The following LRCH3 variants were observed in gnomAD, a reference collection of about 807,000 sequenced individuals.
The protein encoded by LRCH3 is DISP complex protein LRCH3.
In LRCH3, 68 loss-of-function variants were observed where a neutral mutation model predicts 104.5. The ratio of observed to expected loss-of-function variants is 0.65; its 90% CI spans 0.54 to 0.80. The LOEUF (loss-of-function observed/expected upper bound fraction) is 0.80. Ranked by LOEUF, LRCH3 falls within the 30% of genes least tolerant of loss-of-function variation. The probability of loss-of-function intolerance (pLI) is 0.00; values close to 1 mark genes in which losing one functional copy is unlikely to be tolerated. For synonymous variants in LRCH3, 344 were observed against 361.3 expected (o/e 0.95, Z 0.54); for missense variants, 951 against 953.9 (o/e 1.00, Z 0.04).
At chr3:197,840,341 C>A (rs753547561) in intron 10 of LRCH3, among the ~76,000 whole-genome samples, 1 of 152,156 alleles carries the variant, frequency 6.6e-6, no homozygotes, top group Non-Finnish European at 1.5e-5. Flanking sequence ...GTGGCACATG[C>A]CTGTAGTCTC....
intron 5 of LRCH3, among the ~76,000 whole-genome samples, chr3:197,828,380 C>G (rs956000704): frequency 2.6e-5 from 4 of 151,952 alleles, no homozygotes; most frequent in Non-Finnish European, 4.4e-5. Context: ...GAGTCTCGCT[C>G]TGTTGCCCAG....
intron 14 of LRCH3, among the ~76,000 whole-genome samples, chr3:197,855,051 C>T (rs893993411): frequency 3.9e-5 from 6 of 152,070 alleles, no homozygotes; most frequent in Non-Finnish European, 7.4e-5. Flanking sequence ...ATTAGCCTTG[C>T]GAAAGAATTC....
chr3:197,807,018 G>A (rs1055170400), intron 1 of LRCH3, among the ~76,000 whole-genome samples: 5 of 126,572 alleles, frequency 4.0e-5, no homozygotes, highest in African/African-American at 6.0e-5. Context: ...TAGCCTGGGC[G>A]ACAGGGCGAG....
At chr3:197,818,053 C>T (rs890736321) in intron 3 of LRCH3, among the ~76,000 whole-genome samples, 11 of 152,286 alleles carry the variant, frequency 7.2e-5, no homozygotes, top group African/African-American at 2.4e-4. Flanking sequence ...GATCTCCTGA[C>T]CTTGTGATCT....
At chr3:197,832,357 A>AG (rs1560555055) in intron 8 of LRCH3, 40 bp downstream of exon 8, 1 of 1,593,962 alleles carries the variant, frequency 6.3e-7, no homozygotes, top group Admixed American at 1.7e-5. Context: ...GTTTGCAACC[A>AG]TTTAACTTTT....
chr3:197,868,475 G>C (rs1365561071), intron 17 of LRCH3, among the ~76,000 whole-genome samples: 1 of 152,190 alleles, frequency 6.6e-6, no homozygotes, highest in African/African-American at 2.4e-5. Context: ...GATACTGACG[G>C]ATGACTGTGT....
At chr3:197,843,043 C>T (rs1738043036) in intron 10 of LRCH3, among the ~76,000 whole-genome samples, 1 of 149,652 alleles carries the variant, frequency 6.7e-6, no homozygotes, top group African/African-American at 2.5e-5. Context: ...CGAGATTGCA[C>T]CACTGCATTC....
At position 197,883,763 on chromosome 3, in the gene LRCH3, G is replaced by C; in HGVS notation, c.*97G>C. On this transcript the variant is annotated 3_prime_UTR_variant, in exon 21 of 21. Transcript: ENST00000425562. This position sits in a 1 kb window ranked among gnomAD's most constrained non-coding sequence, Gnocchi z 4.2. ...GTCTGCTTAAACAAAGCTCTTGTGT[G>C]TTCTCAGAAGGGACCGTTCCCATGA... is the stretch of plus-strand genomic sequence containing the variant. 30 of 1,295,674 alleles carry C rather than the reference G, an allele frequency of 2.3e-5. No homozygotes were observed. The highest frequency in any genetic ancestry group is 3.0e-5 in the Non-Finnish European group (29 of 980,202). 80.3% of individuals were successfully genotyped at this position (1,295,674 alleles called of 1,614,324 possible).
At chr3:197,811,344 T>C (rs1372208496) in intron 1 of LRCH3, among the ~76,000 whole-genome samples, 1 of 152,216 alleles carries the variant, frequency 6.6e-6, no homozygotes, top group African/African-American at 2.4e-5. Flanking sequence ...CATTTCTTTA[T>C]ATGTTAAAGA....
chr3:197,827,273 C>T (rs1354816050), intron 5 of LRCH3, among the ~76,000 whole-genome samples: 663 of 145,186 alleles, frequency 4.6e-3, no homozygotes, highest in East Asian at 8.9e-3. Flanking sequence ...ATCAGGTAAA[C>T]CATAGTGGAA....
chr3:197,875,809 T>C, intron 20 of LRCH3, 34 bp downstream of exon 20: 1 of 1,357,608 alleles, frequency 7.4e-7, no homozygotes, highest in East Asian at 2.5e-5. Flanking sequence ...GTTGCCTAAA[T>C]AGACTTGGTT....
chr3:197,879,199 G>A (rs545635489), intron 20 of LRCH3, among the ~76,000 whole-genome samples: 1 of 152,206 alleles, frequency 6.6e-6, no homozygotes, highest in South Asian at 2.1e-4. Context: ...TATGTTATGT[G>A]TTAAAGGATG....
At chr3:197,818,111 G>A (rs1032742608) in intron 3 of LRCH3, among the ~76,000 whole-genome samples, 8 of 152,154 alleles carry the variant, frequency 5.3e-5, no homozygotes, top group African/African-American at 1.9e-4. Flanking sequence ...GTGAGCCACC[G>A]CGCACGGCCC....
At chr3:197,819,879 A>T (rs557223114) in intron 3 of LRCH3, among the ~76,000 whole-genome samples, 20 of 152,004 alleles carry the variant, frequency 1.3e-4, no homozygotes, top group African/African-American at 4.1e-4. Context: ...TTTTCTTTTT[A>T]AAAAAAAGAA....
chr3:197,875,635 C>A, intron 19 of LRCH3, 63 bp from the exon 20 acceptor site: 1 of 1,259,932 alleles, frequency 7.9e-7, no homozygotes, highest in Non-Finnish European at 1.1e-6. Flanking sequence ...GCCTGGGTGG[C>A]AGTGAGACCC....
chr3:197,836,041 A>G (rs1390923967), intron 9 of LRCH3, among the ~76,000 whole-genome samples: 1 of 152,180 alleles, frequency 6.6e-6, no homozygotes, highest in Non-Finnish European at 1.5e-5. Context: ...AAGAAGAAAG[A>G]TTTCAGAATT....
At chr3:197,879,975 TCGC>T (rs1713488625) in intron 20 of LRCH3, among the ~76,000 whole-genome samples, 1 of 149,954 alleles carries the variant, frequency 6.7e-6, no homozygotes, top group Non-Finnish European at 1.5e-5. Context: ...AGACGGAGTC[TCGC>T]TCTGTCACCC....
chr3:197,879,827 C>T (rs1580919388), intron 20 of LRCH3, among the ~76,000 whole-genome samples: 2 of 150,780 alleles, frequency 1.3e-5, no homozygotes, highest in East Asian at 1.9e-4. Flanking sequence ...TGCTTTCTGA[C>T]CTACTTTTTT....
intron 1 of LRCH3, among the ~76,000 whole-genome samples, chr3:197,807,697 G>A (rs1236971003): frequency 2.0e-5 from 3 of 151,908 alleles, no homozygotes; most frequent in South Asian, 2.1e-4. Context: ...TGTGGGGTTC[G>A]TGAACATTTT....
Sources: allele counts gnomAD v4.1 joint callset (sites outside exome capture counted in the v4.1 genomes callset), GRCh38; gene constraint gnomAD v4.1.1; non-coding constraint Gnocchi (gnomAD v3.1); transcripts MANE v1.5; gene names NCBI Gene and HGNC (gene_info 2026-07-23, HGNC 2026-07-21).